The following PSG11 variants were observed in gnomAD, a reference collection of about 807,000 sequenced individuals.
PSG11 encodes pregnancy specific beta-1-glycoprotein 11, also known as pregnancy-specific beta-1-glycoprotein 11.
PSG11 carries 42 observed loss-of-function variants against 36.0 expected under a neutral mutation model. That is an observed-to-expected ratio of 1.17 (90% CI 0.91 to 1.51). The LOEUF (loss-of-function observed/expected upper bound fraction) is 1.51. Among genes scored for constraint, PSG11 ranks in the 40% most tolerant of loss-of-function variants. The pLI, the probability that PSG11 is intolerant of heterozygous loss-of-function variation, is 0.00. For synonymous variants in PSG11, 206 were observed against 153.5 expected, an observed-to-expected ratio of 1.34 and a Z score of -2.53; for missense variants, 558 against 403.5, an observed-to-expected ratio of 1.38 and a Z score of -3.28.
chr19:43,018,763 TACTC>T lies in PSG11; in HGVS notation c.709+3_709+6del. On this transcript the variant is annotated splice_donor_5th_base_variant and intron_variant, in intron 3 of 5. Coordinates refer to ENST00000320078, the MANE Select transcript of PSG11 (RefSeq NM_002785.3). ...GCCTGGCTCACAGAGGAACAGAAGA[TACTC>T]ACGGAGGAGATTCAGGGTGACTGGG... 6.2e-7 allele frequency: 1 copy of T among 1,612,112 alleles called. No individual in the cohort carries two copies. The highest frequency in any genetic ancestry group is 8.5e-7 in the Non-Finnish European group (1 of 1,179,062).
chr19:43,024,547 T>G, intron 2 of PSG11, 144 bp downstream of exon 2: 2 of 1,467,874 alleles, frequency 1.4e-6, no homozygotes, highest in South Asian at 2.5e-5. Flanking sequence ...CCTCTGTGTG[T>G]GTCCTGCACT....
In PSG11 at chr19:43,025,084, T is replaced by C. The variant is rs1967206929; in HGVS notation, c.65-28A>G. 7 of 1,596,124 alleles carry C rather than the reference T, an allele frequency of 4.4e-6. 1 individual carries two copies. Among genetic ancestry groups the C allele is most frequent in the Non-Finnish European group, 5.1e-6 (6 of 1,171,088 alleles). ...AGGAGGTGGAGAGAGCATCAGTCAA[T>C]ATTGAGACCTATGTATTGGGGTGAA... is the stretch of plus-strand genomic sequence containing the variant. On this transcript the variant is annotated intron_variant, in intron 1 of 5. Transcript: ENST00000320078.
chr19:43,008,118 T>A, intron 5 of PSG11, 76 bp from the exon 6 acceptor site: 1 of 321,748 alleles, frequency 3.1e-6, no homozygotes, highest in Non-Finnish European at 6.0e-6. Flanking sequence ...TTTCTGGGAA[T>A]GACAAAGATT....
intron 2 of PSG11, among the ~76,000 whole-genome samples, chr19:43,021,409 T>G (rs144169543): frequency 0.044 from 6,610 of 151,336 alleles, 352 homozygotes; most frequent in Admixed American, 0.11. Context: ...TGGAGTGCAG[T>G]GGCATGATCT....
intron 5 of PSG11, 67 bp from the exon 6 acceptor site, chr19:43,008,109 T>G (rs1302955978): frequency 6.1e-6 from 2 of 327,114 alleles, no homozygotes; most frequent in Non-Finnish European, 5.9e-6. Context: ...CAAAGCAACT[T>G]TCTGGGAATG....
chr19:43,021,277 C>T (rs1053161825), intron 2 of PSG11, among the ~76,000 whole-genome samples: 7 of 151,392 alleles, frequency 4.6e-5, no homozygotes, highest in Non-Finnish European at 1.0e-4. Context: ...TCTATTGACA[C>T]ATCCTCAAGC....
chr19:43,010,961 C>A (rs1404764811), intron 4 of PSG11, among the ~76,000 whole-genome samples: 1 of 150,178 alleles, frequency 6.7e-6, no homozygotes, highest in Non-Finnish European at 1.5e-5. Context: ...GTGCCAGGCC[C>A]TGTGCTAAAT....
In PSG11 at chr19:43,010,313, T is replaced by A. The variant is rs113445720; in HGVS notation, c.965-272A>T. 6.4e-5 allele frequency: 97 copies of A among 1,505,712 alleles called. 3 individuals are homozygous for A. The African/African-American group carries it at 1.1e-3, about 18-fold the overall frequency. The allele number at this position is 1,505,712 out of a possible 1,614,324, so 93.3% of individuals were successfully genotyped here. On this transcript the variant is annotated intron_variant, in intron 4 of 5. Coordinates refer to ENST00000320078, the MANE Select transcript of PSG11 (RefSeq NM_002785.3). Reference sequence around the variant, plus strand: ...AGACGTGAGAAAGGCTGATTGCTATTTTCTATGTCATTGGAACTTGTCACC... The same window carrying A: ...AGACGTGAGAAAGGCTGATTGCTATATTCTATGTCATTGGAACTTGTCACC...
In PSG11 at chr19:43,010,002, G is replaced by A. The variant is rs375037988; in HGVS notation, c.1004C>T (p.Thr335Met). 2.2e-5 allele frequency: 36 copies of A among 1,608,214 alleles called. No individual in the cohort carries two copies. The highest frequency in any genetic ancestry group is 8.4e-5 in the Admixed American group (5 of 59,776). ...ACAAAAATGACATCACGGCTGCTAC[G>A]TTGGATTATTGAAAGCAAAAGTTCC... is the stretch of plus-strand genomic sequence containing the variant. ...GLGTFAFNNP[T>M] is the part of the protein sequence containing the mutation. The change falls in exon 5 of 6, where the codon ACG (threonine) becomes ATG (methionine). Residue 335 changes from threonine to methionine, a missense_variant. Coordinates refer to ENST00000320078, the MANE Select transcript of PSG11 (RefSeq NM_002785.3).
intron 2 of PSG11, among the ~76,000 whole-genome samples, chr19:43,022,720 G>T (rs1234305841): frequency 6.6e-6 from 1 of 151,168 alleles, no homozygotes; most frequent in Non-Finnish European, 1.5e-5. Context: ...CCTCACAAAG[G>T]GGAAGAGCCC....
At chr19:43,022,806 G>A (rs908352052) in intron 2 of PSG11, among the ~76,000 whole-genome samples, 4 of 150,862 alleles carry the variant, frequency 2.7e-5, no homozygotes, top group Non-Finnish European at 5.9e-5. Flanking sequence ...TGGCAGGAGT[G>A]GCAACTCCAG....
At chr19:43,012,796 A>G (rs548268385) in intron 4 of PSG11, among the ~76,000 whole-genome samples, 1 of 151,422 alleles carries the variant, frequency 6.6e-6, no homozygotes, top group Non-Finnish European at 1.5e-5. Flanking sequence ...CCTAAAATTT[A>G]TATTGAATCT....
At chr19:43,013,136 A>G (rs1457543525) in intron 4 of PSG11, among the ~76,000 whole-genome samples, 1 of 151,356 alleles carries the variant, frequency 6.6e-6, no homozygotes, top group Non-Finnish European at 1.5e-5. Flanking sequence ...ACAATAAATC[A>G]TAGATCTAAA....
Position 43,026,350 on chromosome 19 carries a change from G to A in PSG11, c.23C>T (p.Pro8Leu). 1 of 1,610,954 alleles carries A rather than the reference G, an allele frequency of 6.2e-7. No individual in the cohort carries two copies. The highest frequency in any genetic ancestry group is 8.5e-7 in the Non-Finnish European group (1 of 1,178,554). MGPLSAP[P>L]CTEHIKWKGL... ...CTTCCATTTGATGTGCTCTGTGCAG[G>A]GAGGGGCTGAGAGGGGCCCCATGAT... Residue 8 changes from proline (P) to leucine (L), a missense_variant, in exon 1 of 6, where the codon CCC becomes CTC. Physicochemically the swap from Pro to Leu is moderately conservative, Grantham distance 98 (BLOSUM62 -3). Coordinates refer to ENST00000320078, the MANE Select transcript of PSG11 (RefSeq NM_002785.3).
At chr19:43,015,439 G>T in intron 3 of PSG11, 69 bp from the exon 4 acceptor site, 1 of 1,520,700 alleles carries the variant, frequency 6.6e-7, no homozygotes, top group Non-Finnish European at 8.9e-7. Context: ...GTCTCTTAAA[G>T]GGACACAGTG....
chr19:43,019,946 A>C (rs1040906352), intron 2 of PSG11, among the ~76,000 whole-genome samples: 3 of 151,516 alleles, frequency 2.0e-5, no homozygotes, highest in African/African-American at 7.3e-5. Context: ...GGTAGATATT[A>C]GACCAATATT....
At chr19:43,022,582 AT>A (rs1967127773) in intron 2 of PSG11, among the ~76,000 whole-genome samples, 1 of 151,370 alleles carries the variant, frequency 6.6e-6, no homozygotes, top group African/African-American at 2.4e-5. Flanking sequence ...TTTACTAAAA[AT>A]CACCATTTCA....
At chr19:43,025,448 G>T (rs1967220939) in intron 1 of PSG11, 1 of 221,064 alleles carries the variant, frequency 4.5e-6, no homozygotes, top group Non-Finnish European at 8.9e-6. Flanking sequence ...TTCCCTTTCT[G>T]ACCTTTCCCT....
chr19:43,008,985 A>G (rs544388509), intron 5 of PSG11, among the ~76,000 whole-genome samples: 4 of 150,978 alleles, frequency 2.6e-5, no homozygotes, highest in East Asian at 2.0e-4. Context: ...TCCTCTTTTA[A>G]AAATGTTTTC....
Sources: gnomAD v4.1 joint callset for allele counts (sites outside exome capture counted in the v4.1 genomes callset) on GRCh38, gnomAD v4.1.1 for gene constraint, MANE v1.5 for transcripts, NCBI Gene and HGNC (gene_info 2026-07-23, HGNC 2026-07-21) for gene names.